The following ARL5B variants were observed in gnomAD, a reference collection of about 807,000 sequenced individuals.
ARL5B encodes the protein ARF like GTPase 5B.
In ARL5B, 10 loss-of-function variants were observed where a neutral mutation model predicts 26.9. The ratio of observed to expected loss-of-function variants is 0.37; its 90% CI spans 0.23 to 0.63. The LOEUF is 0.63. Among genes scored for constraint, ARL5B ranks in the 30% least tolerant of loss-of-function variants. The probability of loss-of-function intolerance (pLI) is 0.62; values close to 1 mark genes in which losing one functional copy is unlikely to be tolerated. For synonymous variants in ARL5B, 87 were observed against 70.4 expected, an observed-to-expected ratio of 1.24 and a Z score of -1.18; for missense variants, 167 against 213.9, an observed-to-expected ratio of 0.78 and a Z score of 1.37.
At chr10:18,673,510 A>G (rs1402046396) in intron 4 of ARL5B, among the ~76,000 whole-genome samples, 3 of 152,330 alleles carry the variant, frequency 2.0e-5, no homozygotes, top group Admixed American at 6.5e-5. Context: ...TAACAACTGT[A>G]TAGTTTTCCA....
At position 18,681,033 on chromosome 10, in the gene ARL5B, T is replaced by C. The variant is rs2131657534; in HGVS notation, c.*5817T>C. 6.6e-6 allele frequency: 1 copy of C among 152,270 alleles called. No individual in the cohort carries two copies. The highest frequency in any genetic ancestry group is 2.4e-5 in the African/African-American group (1 of 41,566). The allele number at this position is 152,270 out of a possible 1,614,324, so 9.4% of individuals were successfully genotyped here. A position where few individuals can be genotyped will look rare whatever the true frequency, so the allele number is the denominator to read the frequency against. On this transcript the variant is annotated 3_prime_UTR_variant, in exon 6 of 6. Coordinates refer to ENST00000377275, the MANE Select transcript of ARL5B (RefSeq NM_178815.5). ...AGATTTAAATACAAACTGTTGTTAC[T>C]CCTTAAGCTTCAGGCTTTCTGCGAA...
rs149547232 is a variant in ARL5B at position 18,664,415 on chromosome 10, A to G, written c.47-2160A>G. Reference sequence around the variant, plus strand: ...AACATTCTGATTTACTGTAACTGATAGTAACAGTAGTGTCTTTTTTTTTTT... The same window carrying G: ...AACATTCTGATTTACTGTAACTGATGGTAACAGTAGTGTCTTTTTTTTTTT... On this transcript the variant is annotated intron_variant, in intron 1 of 5. Transcript: ENST00000377275. Among the ~76,000 whole-genome samples, 1,174 of 141,514 alleles carry G rather than the reference A, an allele frequency of 8.3e-3. 22 individuals carry two copies. The highest frequency in any genetic ancestry group is 0.028 in the African/African-American group (1,059 of 38,428). 92.8% of individuals were successfully genotyped at this position (141,514 alleles called of 152,430 possible).
chr10:18,664,850 T>C (rs1026011308), intron 1 of ARL5B, among the ~76,000 whole-genome samples: 2 of 152,170 alleles, frequency 1.3e-5, no homozygotes, highest in African/African-American at 4.8e-5. Flanking sequence ...TGAAGCATCA[T>C]AGTGCAAAAG....
Position 18,677,432 on chromosome 10 carries a change from T to C in ARL5B, c.*2216T>C, listed in dbSNP as rs2059915051. 1 of 152,340 alleles carries C rather than the reference T, an allele frequency of 6.6e-6. No individual in the cohort carries two copies. The highest frequency in any genetic ancestry group is 2.4e-5 in the African/African-American group (1 of 41,438). 9.4% of individuals were successfully genotyped at this position (152,340 alleles called of 1,614,324 possible). The stretch of plus-strand genomic sequence containing the variant: ...TTAGTTTTGGATTAGAAATGATTTA[T>C]GTTAGCCATGTGTTGAAGATGAAAT... On this transcript the variant is annotated 3_prime_UTR_variant, in exon 6 of 6. Transcript: ENST00000377275.
chr10:18,680,152 A>G lies in ARL5B; in HGVS notation c.*4936A>G, dbSNP rs1314052593. ...CTTGTAAAATTTTAATTAAAAAATT[A>G]CCTCATTTTTCAATCCATAAGGTGC... On this transcript the variant is annotated 3_prime_UTR_variant, in exon 6 of 6. Coordinates refer to ENST00000377275, the MANE Select transcript of ARL5B (RefSeq NM_178815.5). The G allele has an allele frequency of 2.6e-5, 4 of 152,036 alleles. No homozygotes were observed. The highest frequency in any genetic ancestry group is 9.7e-5 in the African/African-American group (4 of 41,448). 9.4% of individuals were successfully genotyped at this position (152,036 alleles called of 1,614,324 possible).
intron 1 of ARL5B, among the ~76,000 whole-genome samples, chr10:18,665,772 T>G (rs80145059): frequency 0.027 from 4,149 of 152,320 alleles, 185 homozygotes; most frequent in African/African-American, 0.094. Context: ...GAAGGGGATC[T>G]TTAGTATACT....
intron 1 of ARL5B, among the ~76,000 whole-genome samples, chr10:18,663,918 A>G (rs1014476970): frequency 3.3e-5 from 5 of 151,628 alleles, no homozygotes; most frequent in Admixed American, 6.6e-5. Flanking sequence ...CTTATCATCT[A>G]TCTGCATCCT....
chr10:18,660,766 G>C (rs1212360766), intron 1 of ARL5B, among the ~76,000 whole-genome samples: 1 of 152,162 alleles, frequency 6.6e-6, no homozygotes, highest in East Asian at 1.9e-4. Context: ...AGTAACCACA[G>C]ATAATATTAC....
At chr10:18,668,398 G>C in intron 2 of ARL5B, 132 bp from the exon 3 acceptor site, 1 of 888,950 alleles carries the variant, frequency 1.1e-6, no homozygotes, top group East Asian at 2.7e-5. Context: ...GTGTTCTCCA[G>C]GTTTATAATT....
At position 18,677,891 on chromosome 10, in the gene ARL5B, C is replaced by G. The variant is rs1364676550; in HGVS notation, c.*2675C>G. On this transcript the variant is annotated 3_prime_UTR_variant, in exon 6 of 6. Coordinates refer to ENST00000377275, the MANE Select transcript of ARL5B (RefSeq NM_178815.5). ...GCAAGGGACCCACCTACATTACCTT[C>G]AGGAGACTGTTCTACCTTTTAATTT... 3.3e-5 allele frequency: 5 copies of G among 152,008 alleles called. No individual in the cohort carries two copies. Among genetic ancestry groups the G allele is most frequent in the Non-Finnish European group, 1.5e-5 (1 of 67,768 alleles). The allele number at this position is 152,008 out of a possible 1,614,324, so 9.4% of individuals were successfully genotyped here. A position where few individuals can be genotyped will look rare whatever the true frequency, so the allele number is the denominator to read the frequency against.
At chr10:18,660,335 C>T (rs1268562341) in intron 1 of ARL5B, among the ~76,000 whole-genome samples, 1 of 152,008 alleles carries the variant, frequency 6.6e-6, no homozygotes, top group Non-Finnish European at 1.5e-5. Flanking sequence ...AGTGGCAGGT[C>T]CAAAGGGCCG....
At chr10:18,667,386 T>C (rs1372111663) in intron 2 of ARL5B, among the ~76,000 whole-genome samples, 2 of 152,230 alleles carry the variant, frequency 1.3e-5, no homozygotes, top group East Asian at 3.9e-4. Context: ...GCTACTGACT[T>C]AAAGTTTGTT....
At position 18,672,659 on chromosome 10, in the gene ARL5B, G is replaced by T; in HGVS notation, c.293G>T (p.Arg98Leu). 1 of 1,610,382 alleles carries T rather than the reference G, an allele frequency of 6.2e-7. No individual in the cohort carries two copies. Among genetic ancestry groups the T allele is most frequent in the South Asian group, 1.1e-5 (1 of 90,570 alleles). Residue 98 changes from arginine (R) to leucine (L), a missense_variant, in exon 4 of 6, where the codon CGA (arginine) becomes CTA (leucine). Physicochemically the swap from Arg to Leu is moderately radical, Grantham distance 102. Coordinates refer to ENST00000377275, the MANE Select transcript of ARL5B (RefSeq NM_178815.5). ...GTTGTTGATAGCATTGACAGGGAAC[G>T]ACTAGCTATTACAAAAGAAGAATTA... Reference protein sequence around the residue: ...ILVVDSIDRERLAITKEELYR... With the variant: ...ILVVDSIDRELLAITKEELYR...
At chr10:18,665,181 T>G (rs2131639684) in intron 1 of ARL5B, among the ~76,000 whole-genome samples, 1 of 152,220 alleles carries the variant, frequency 6.6e-6, no homozygotes, top group East Asian at 1.9e-4. Context: ...TTAGCTTCAT[T>G]AGAGGACATG....
At chr10:18,675,111 G>A (rs893372494) in intron 5 of ARL5B, 57 bp from the exon 6 acceptor site, 123 of 1,514,876 alleles carry the variant, frequency 8.1e-5, no homozygotes, top group Middle Eastern at 3.5e-4. Flanking sequence ...TAATAAGTAC[G>A]CTTTCAGTTT....
In ARL5B at chr10:18,659,547, C is replaced by A; in HGVS notation, c.-91C>A. On this transcript the variant is annotated 5_prime_UTR_variant, in exon 1 of 6. Coordinates refer to ENST00000377275, the MANE Select transcript of ARL5B (RefSeq NM_178815.5). The stretch of plus-strand genomic sequence containing the variant: ...CGCTGCGCGATCTCAGGCGGGTTCT[C>A]CTCGGCTCCGCGCAGCCCGCGCCGC... 1 of 1,462,760 alleles carries A rather than the reference C, an allele frequency of 6.8e-7. No individual in the cohort carries two copies. The allele number at this position is 1,462,760 out of a possible 1,614,324, so 90.6% of individuals were successfully genotyped here.
rs2059837362 is a variant in ARL5B, at chr10:18,661,652, A to G, written c.46+1969A>G. ...TCAAACATCAATAAACGAGACAAAC[A>G]TGAAAAAAAATGCAGTGTGGTAAAT... On this transcript the variant is annotated intron_variant, in intron 1 of 5. Transcript: ENST00000377275. Among the ~76,000 whole-genome samples, 3 of 152,354 alleles carry G rather than the reference A, an allele frequency of 2.0e-5. 1 individual carries two copies. Among genetic ancestry groups the G allele is most frequent in the Admixed American group, 2.0e-4 (3 of 15,306 alleles).
chr10:18,659,745 G>A (rs764803128), intron 1 of ARL5B, 62 bp downstream of exon 1: 10 of 1,590,664 alleles, frequency 6.3e-6, no homozygotes, highest in Admixed American at 3.6e-5. Context: ...CCGCCGATGG[G>A]GACACCGGAG....
At chr10:18,664,877 A>G (rs2059854393) in intron 1 of ARL5B, among the ~76,000 whole-genome samples, 1 of 152,266 alleles carries the variant, frequency 6.6e-6, no homozygotes, top group Non-Finnish European at 1.5e-5. Flanking sequence ...AAGGAGCAGG[A>G]TTGTTTGCAA....
Sources: allele counts gnomAD v4.1 joint callset (sites outside exome capture counted in the v4.1 genomes callset), GRCh38; gene constraint gnomAD v4.1.1; transcripts MANE v1.5; gene names NCBI Gene and HGNC (gene_info 2026-07-23, HGNC 2026-07-21).